VTA1: variants seen among roughly 807,000 people sequenced by gnomAD.
The protein encoded by VTA1 is vesicle trafficking 1.
In VTA1, 24 loss-of-function variants were observed where a neutral mutation model predicts 36.9. That is an observed-to-expected ratio of 0.65 (90% CI 0.47 to 0.91). VTA1 has a LOEUF of 0.91. VTA1 is among the 40% of genes least tolerant of loss of function. VTA1 has a pLI of 0.00. For synonymous variants in VTA1, 142 were observed against 130.2 expected, an observed-to-expected ratio of 1.09 and a Z score of -0.62; for missense variants, 393 against 377.2, an observed-to-expected ratio of 1.04 and a Z score of -0.35.
Position 142,147,278 on chromosome 6 carries a change from C to T in VTA1, c.-10C>T, listed in dbSNP as rs747144123. The T allele has an allele frequency of 9.3e-6, 15 of 1,613,998 alleles. No homozygotes were observed. In the Admixed American group the frequency reaches 1.8e-4, roughly 20 times the overall value. ...GAGCGCGAGTAGGAAGTGGTGAGTT[C>T]GGAGTAGAGATGGCCGCGCTTGCAC... On this transcript the variant is annotated 5_prime_UTR_variant, in exon 1 of 8. Coordinates refer to ENST00000367630, the MANE Select transcript of VTA1 (RefSeq NM_016485.5).
chr6:142,180,784 G>A (rs1025126657), intron 4 of VTA1, among the ~76,000 whole-genome samples: 1 of 151,850 alleles, frequency 6.6e-6, no homozygotes, highest in Admixed American at 6.6e-5. Flanking sequence ...CGTATAACCC[G>A]AACGTAATCA....
chr6:142,164,685 C>T (rs1774880927), intron 1 of VTA1, among the ~76,000 whole-genome samples: 1 of 152,110 alleles, frequency 6.6e-6, no homozygotes, highest in Admixed American at 6.6e-5. Flanking sequence ...AATTAAACAA[C>T]GGTAGACCCA....
chr6:142,147,927 G>A lies in VTA1; in HGVS notation c.112+528G>A, dbSNP rs1464064822. ...GAATTTGACCTTTCCCCACCCAGCT[G>A]CTCTCTCCTACCATGCAGAATTTTT... On this transcript the variant is annotated intron_variant, in intron 1 of 7. Coordinates refer to ENST00000367630, the MANE Select transcript of VTA1 (RefSeq NM_016485.5). Among the ~76,000 whole-genome samples, 3 of 152,276 alleles carry A rather than the reference G, an allele frequency of 2.0e-5. No individual in the cohort carries two copies. The East Asian group carries it at 5.8e-4, about 29-fold the overall frequency.
chr6:142,198,389 C>T (rs370939421), intron 5 of VTA1, 50 bp from the exon 6 acceptor site: 1 of 1,551,628 alleles, frequency 6.4e-7, no homozygotes, highest in African/African-American at 1.4e-5. Context: ...ATACCTAGCA[C>T]TTGTATTTCA....
chr6:142,153,061 T>C (rs932106660), intron 1 of VTA1, among the ~76,000 whole-genome samples: 1 of 152,146 alleles, frequency 6.6e-6, no homozygotes, highest in African/African-American at 2.4e-5. Context: ...TGTTATAATA[T>C]AAACATCTGT....
intron 1 of VTA1, among the ~76,000 whole-genome samples, chr6:142,151,705 G>GT (rs1033735500): frequency 1.3e-5 from 2 of 152,196 alleles, no homozygotes; most frequent in African/African-American, 4.8e-5. Flanking sequence ...CGGCTCTGAG[G>GT]TTTTTTGTTT....
chr6:142,196,053 G>C (rs1775545229), intron 5 of VTA1, among the ~76,000 whole-genome samples: 1 of 152,152 alleles, frequency 6.6e-6, no homozygotes, highest in South Asian at 2.1e-4. Context: ...GGTTTTACTA[G>C]TTCTGCCAGT....
At chr6:142,160,920 C>T (rs901205928) in intron 1 of VTA1, among the ~76,000 whole-genome samples, 1 of 152,126 alleles carries the variant, frequency 6.6e-6, no homozygotes, top group Non-Finnish European at 1.5e-5. Flanking sequence ...TATTCTTACC[C>T]TATACTTTGA....
At chr6:142,187,839 A>C (rs1008646970) in intron 4 of VTA1, among the ~76,000 whole-genome samples, 9 of 152,036 alleles carry the variant, frequency 5.9e-5, no homozygotes, top group African/African-American at 2.2e-4. Flanking sequence ...ATACTCAACT[A>C]AGTATCTGGA....
intron 4 of VTA1, among the ~76,000 whole-genome samples, chr6:142,181,091 AAAAATATAT>A (rs1430299897): frequency 2.7e-5 from 2 of 74,512 alleles, no homozygotes; most frequent in East Asian, 8.7e-4. Flanking sequence ...AAAAAAAAAA[AAAAATATAT>A]ATATATATAT....
chr6:142,198,105 AT>A (rs368954594), intron 5 of VTA1, among the ~76,000 whole-genome samples: 51,698 of 120,212 alleles, frequency 0.43, 12,248 homozygotes, highest in Middle Eastern at 0.56. Flanking sequence ...TCAAAAAAAA[AT>A]ATATATATAT....
At chr6:142,205,986 CAT>C (rs1323928805) in intron 7 of VTA1, among the ~76,000 whole-genome samples, 3 of 152,116 alleles carry the variant, frequency 2.0e-5, no homozygotes, top group African/African-American at 7.2e-5. Context: ...TATGACAAAA[CAT>C]AGAGTACTTC....
rs1774714782 is a variant in VTA1, at chr6:142,158,932, C to T, written c.113-7296C>T. Among the ~76,000 whole-genome samples the T allele has an allele frequency of 3.3e-5, 5 of 152,188 alleles. 1 individual carries two copies. The South Asian group carries it at 1.0e-3, about 32-fold the overall frequency. On this transcript the variant is annotated intron_variant, in intron 1 of 7. Transcript: ENST00000367630. ...TTGCCTATAGTTGTCATACGTTGTA[C>T]TTATACGTATACCATAAACCTTATA...
intron 4 of VTA1, among the ~76,000 whole-genome samples, chr6:142,184,923 A>G (rs1311129760): frequency 6.6e-6 from 1 of 152,132 alleles, no homozygotes; most frequent in Non-Finnish European, 1.5e-5. Flanking sequence ...CAAGACTTTA[A>G]TCTTGTCTTG....
At chr6:142,164,282 G>T (rs225653) in intron 1 of VTA1, among the ~76,000 whole-genome samples, 55,223 of 151,954 alleles carry the variant, frequency 0.36, 11,325 homozygotes, top group Middle Eastern at 0.53. Flanking sequence ...GCATCCCTTT[G>T]TATGTCAAAG....
intron 4 of VTA1, among the ~76,000 whole-genome samples, chr6:142,178,702 C>G (rs1775170944): frequency 6.6e-6 from 1 of 151,950 alleles, no homozygotes; most frequent in African/African-American, 2.4e-5. Flanking sequence ...ACAGGTGGGA[C>G]CAATGCAAAA....
chr6:142,167,531 C>T lies in VTA1; in HGVS notation c.207+1209C>T, dbSNP rs1727629090. ...TGAAAACACACTAGTCAGCCCAGAG[C>T]TTTTTATTGTTTTCATTGTTTTTAT... is the stretch of plus-strand genomic sequence containing the variant. On this transcript the variant is annotated intron_variant, in intron 2 of 7. Transcript: ENST00000367630. 7.2e-5 allele frequency among the ~76,000 whole-genome samples: 11 copies of T among 152,238 alleles called. No homozygotes were observed. In the South Asian group the frequency reaches 2.3e-3, roughly 32 times the overall value.
At chr6:142,170,451 G>A in intron 4 of VTA1, 30 bp downstream of exon 4, 1 of 1,378,060 alleles carries the variant, frequency 7.3e-7, no homozygotes. Flanking sequence ...TGTCTTATTA[G>A]CTGAAGATCA....
intron 7 of VTA1, among the ~76,000 whole-genome samples, chr6:142,210,781 A>G (rs1179072787): frequency 6.6e-6 from 1 of 152,222 alleles, no homozygotes; most frequent in Admixed American, 6.5e-5. Context: ...TAAAAATAGA[A>G]GTACCATATG....
Sources: gnomAD v4.1 joint callset for allele counts (sites outside exome capture counted in the v4.1 genomes callset) on GRCh38, gnomAD v4.1.1 for gene constraint, MANE v1.5 for transcripts, NCBI Gene and HGNC (gene_info 2026-07-23, HGNC 2026-07-21) for gene names.